The following DIP2C variants were observed in gnomAD, a reference collection of about 807,000 sequenced individuals.
DIP2C encodes disco-interacting protein 2 homolog C.
A neutral mutation model predicts 192.4 loss-of-function variants in DIP2C; 33 were observed. The ratio of observed to expected loss-of-function variants is 0.17; its 90% CI spans 0.13 to 0.23. DIP2C has a LOEUF of 0.23. Ranked by LOEUF, DIP2C falls within the 10% of genes least tolerant of loss-of-function variation. The pLI, the probability that DIP2C is intolerant of heterozygous loss-of-function variation, is 1.00. For missense variants in DIP2C, 1,537 were observed against 2,110.1 expected (o/e 0.73, Z 5.32); for synonymous variants, 979 against 864.1 (o/e 1.13, Z -2.33).
intron 1 of DIP2C, among the ~76,000 whole-genome samples, chr10:584,284 T>A (rs1850851462): frequency 6.6e-6 from 1 of 152,264 alleles, no homozygotes; most frequent in Admixed American, 6.5e-5. Flanking sequence ...CCAGCCATCA[T>A]GTCCTGTTGA....
At chr10:577,435 G>A (rs1850241294) in intron 1 of DIP2C, among the ~76,000 whole-genome samples, 1 of 152,244 alleles carries the variant, frequency 6.6e-6, no homozygotes, top group South Asian at 2.1e-4. Flanking sequence ...CCTGTTGTGT[G>A]TACTTTCTCA....
chr10:367,622 C>G (rs1180878753), intron 18 of DIP2C, among the ~76,000 whole-genome samples: 1 of 152,118 alleles, frequency 6.6e-6, no homozygotes, highest in Admixed American at 6.5e-5. Context: ...AACACAACTC[C>G]CACTTCTAGA....
chr10:337,059 T>C (rs1564574742), intron 29 of DIP2C, among the ~76,000 whole-genome samples: 9 of 126,352 alleles, frequency 7.1e-5, no homozygotes, highest in Non-Finnish European at 1.2e-4. Context: ...GGTGTGTGTG[T>C]GTGTGTGTGT....
intron 1 of DIP2C, chr10:668,422 C>T (rs532080511): frequency 6.6e-6 from 1 of 151,944 alleles, no homozygotes; most frequent in Non-Finnish European, 1.5e-5. Flanking sequence ...AACATACAAC[C>T]CATACAACAT....
chr10:450,253 A>G (rs1968746021), intron 3 of DIP2C, among the ~76,000 whole-genome samples: 1 of 146,874 alleles, frequency 6.8e-6, no homozygotes, highest in African/African-American at 2.5e-5. Context: ...ATAAATTACA[A>G]TGGTCCCGTG....
intron 1 of DIP2C, among the ~76,000 whole-genome samples, chr10:601,221 G>A (rs1479533346): frequency 6.6e-6 from 1 of 152,160 alleles, no homozygotes. Context: ...AAGTCATACA[G>A]ATAAACTCAT....
chr10:298,576 G>A (rs1027068934), intron 32 of DIP2C, among the ~76,000 whole-genome samples: 1 of 152,214 alleles, frequency 6.6e-6, no homozygotes, highest in Admixed American at 6.5e-5. Flanking sequence ...ACAGCCTCCT[G>A]CCTCTGGGTG....
At chr10:447,976 T>C (rs1253943876) in intron 3 of DIP2C, among the ~76,000 whole-genome samples, 13 of 117,910 alleles carry the variant, frequency 1.1e-4, no homozygotes, top group Non-Finnish European at 2.0e-4. Flanking sequence ...CCCCCGTTGA[T>C]ATTCAGGATC....
At chr10:599,014 T>C (rs553989751) in intron 1 of DIP2C, among the ~76,000 whole-genome samples, 1 of 152,336 alleles carries the variant, frequency 6.6e-6, no homozygotes, top group African/African-American at 2.4e-5. Flanking sequence ...TCCCTCATCC[T>C]TGCATCATAA....
intron 1 of DIP2C, among the ~76,000 whole-genome samples, chr10:534,009 A>G (rs1463161988): frequency 2.0e-5 from 3 of 152,160 alleles, no homozygotes; most frequent in African/African-American, 7.2e-5. Flanking sequence ...TTTAAAAAAA[A>G]AAAAAGAGGA....
chr10:422,036 G>A (rs1182432245), intron 5 of DIP2C, among the ~76,000 whole-genome samples: 1 of 121,332 alleles, frequency 8.2e-6, no homozygotes, highest in African/African-American at 3.3e-5. Flanking sequence ...GCTTCCCACT[G>A]ATGATTTTTT....
intron 1 of DIP2C, among the ~76,000 whole-genome samples, chr10:590,947 C>T (rs1167666751): frequency 2.0e-5 from 3 of 152,132 alleles, no homozygotes; most frequent in African/African-American, 7.2e-5. Flanking sequence ...CCAGTCTGTC[C>T]CCCACCAGGT....
At chr10:306,620 CAAGA>C (rs1239622415) in intron 32 of DIP2C, among the ~76,000 whole-genome samples, 1 of 152,174 alleles carries the variant, frequency 6.6e-6, no homozygotes, top group South Asian at 2.1e-4. Context: ...GGAAGAGTAA[CAAGA>C]AAGAAATAAG....
intron 1 of DIP2C, among the ~76,000 whole-genome samples, chr10:559,464 C>T (rs990224693): frequency 6.6e-6 from 1 of 152,204 alleles, no homozygotes; most frequent in African/African-American, 2.4e-5. Flanking sequence ...GCCTGGACTC[C>T]TCAAAGCTCC....
intron 3 of DIP2C, among the ~76,000 whole-genome samples, chr10:460,423 G>A (rs1306723787): frequency 2.0e-5 from 3 of 152,180 alleles, no homozygotes; most frequent in Admixed American, 6.5e-5. Context: ...GAGAAGATAT[G>A]TACTATGATG....
chr10:427,501 T>C (rs1396189707), intron 4 of DIP2C, among the ~76,000 whole-genome samples: 1 of 152,180 alleles, frequency 6.6e-6, no homozygotes, highest in African/African-American at 2.4e-5. Flanking sequence ...TGAGAAACCT[T>C]ACACCTGTAA....
intron 8 of DIP2C, among the ~76,000 whole-genome samples, chr10:412,174 C>T (rs564240847): frequency 6.6e-5 from 10 of 152,318 alleles, no homozygotes; most frequent in African/African-American, 1.4e-4. Flanking sequence ...TCCTTCTGAT[C>T]GACATCAGAA....
intron 1 of DIP2C, among the ~76,000 whole-genome samples, chr10:623,647 C>T (rs7087558): frequency 3.0e-5 from 2 of 66,670 alleles, no homozygotes; most frequent in Admixed American, 2.0e-4. Flanking sequence ...GACGCAGGGG[C>T]GAGGGGAAGA....
intron 1 of DIP2C, among the ~76,000 whole-genome samples, chr10:517,793 G>A (rs1340913723): frequency 2.0e-5 from 3 of 152,108 alleles, no homozygotes; most frequent in African/African-American, 7.2e-5. Context: ...TAATATAAAA[G>A]GTCTCTTTAT....
Sources: gnomAD v4.1 joint callset for allele counts (sites outside exome capture counted in the v4.1 genomes callset) on GRCh38, gnomAD v4.1.1 for gene constraint, MANE v1.5 for transcripts, NCBI Gene and HGNC (gene_info 2026-07-23, HGNC 2026-07-21) for gene names.